The following CCDC122 variants were observed in gnomAD, a reference collection of about 807,000 sequenced individuals.
CCDC122 encodes the protein coiled-coil domain containing 122, also known as coiled-coil domain-containing protein 122.
CCDC122 carries 38 observed loss-of-function variants against 37.0 expected under a neutral mutation model. The ratio of observed to expected loss-of-function variants is 1.03; its 90% CI spans 0.79 to 1.35. The LOEUF is 1.35. Among genes scored for constraint, CCDC122 ranks in the 40% most tolerant of loss-of-function variants. The probability of loss-of-function intolerance (pLI) is 0.00; values close to 1 mark genes in which losing one functional copy is unlikely to be tolerated. For synonymous variants in CCDC122, 83 were observed against 95.6 expected, an observed-to-expected ratio of 0.87 and a Z score of 0.77; for missense variants, 305 against 310.0, an observed-to-expected ratio of 0.98 and a Z score of 0.12.
intron 6 of CCDC122, among the ~76,000 whole-genome samples, chr13:43,853,326 T>A (rs760449894): frequency 4.0e-5 from 6 of 151,688 alleles, no homozygotes; most frequent in Non-Finnish European, 7.4e-5. Context: ...AGAAAAAAAA[T>A]CAGGAGTTGC....
At chr13:43,871,430 C>A (rs1954449429) in intron 2 of CCDC122, among the ~76,000 whole-genome samples, 1 of 151,990 alleles carries the variant, frequency 6.6e-6, no homozygotes, top group Non-Finnish European at 1.5e-5. Context: ...TCCCCCAAAT[C>A]ACAGTGCAAT....
chr13:43,845,896 A>C (rs1439528302), intron 6 of CCDC122, among the ~76,000 whole-genome samples: 1 of 152,126 alleles, frequency 6.6e-6, no homozygotes, highest in Non-Finnish European at 1.5e-5. Flanking sequence ...CACAATATCA[A>C]TCATTATACG....
chr13:43,859,179 A>C (rs1954025153), intron 5 of CCDC122, among the ~76,000 whole-genome samples: 1 of 152,176 alleles, frequency 6.6e-6, no homozygotes, highest in Admixed American at 6.5e-5. Flanking sequence ...GACACTTTTT[A>C]ATTCTCTAGC....
In CCDC122 at chr13:43,859,876, A is replaced by T. The variant is rs1255886826; in HGVS notation, c.351T>A (p.Asp117Glu). 5 of 1,603,778 alleles carry T rather than the reference A, an allele frequency of 3.1e-6. No individual in the cohort carries two copies. The highest frequency in any genetic ancestry group is 3.4e-6 in the Non-Finnish European group (4 of 1,176,214). Residue 117 changes from aspartate (D) to glutamate (E), a missense_variant, in exon 5 of 7, where the codon GAT becomes GAA. Asp to Glu is a conservative substitution (Grantham distance 45). Transcript: ENST00000444614. Reference sequence around the variant, plus strand: ...TATATTTTATCATGTGTTCCTCAAAATCTTCTTGGGCTGTTTCTATGTCAA... The same window carrying T: ...TATATTTTATCATGTGTTCCTCAAATTCTTCTTGGGCTGTTTCTATGTCAA... ...LKFDIETAQE[D>E]FEEHMIKYNA...
downstream of CCDC122, among the ~76,000 whole-genome samples, chr13:43,819,222 T>C (rs778162118): frequency 6.6e-6 from 1 of 152,218 alleles, no homozygotes; most frequent in Non-Finnish European, 1.5e-5. Flanking sequence ...AACAGTCTCA[T>C]ACATTGTTGG....
At chr13:43,848,959 G>A (rs1953633332) in intron 6 of CCDC122, 2 of 962,960 alleles carry the variant, frequency 2.1e-6, no homozygotes, top group African/African-American at 3.5e-5. Flanking sequence ...AAAACTGGTT[G>A]TTTTGAGAAG....
At chr13:43,864,477 G>C (rs538312422) in intron 4 of CCDC122, among the ~76,000 whole-genome samples, 1 of 152,290 alleles carries the variant, frequency 6.6e-6, no homozygotes, top group African/African-American at 2.4e-5. Flanking sequence ...TTCTACTCAT[G>C]GTAGAAGGTG....
chr13:43,852,695 C>A (rs1157811485), intron 6 of CCDC122, among the ~76,000 whole-genome samples: 1 of 151,324 alleles, frequency 6.6e-6, no homozygotes, highest in Admixed American at 6.6e-5. Flanking sequence ...TCAGATTCTC[C>A]AAGGTTGAAA....
At chr13:43,861,983 C>G (rs1453458811) in intron 4 of CCDC122, among the ~76,000 whole-genome samples, 1 of 152,094 alleles carries the variant, frequency 6.6e-6, no homozygotes, top group African/African-American at 2.4e-5. Flanking sequence ...AATAAAATCC[C>G]CAATGCACTT....
At chr13:43,824,429 TG>T (rs1290363240) in intron 3 of CCDC122, among the ~76,000 whole-genome samples, 3 of 152,192 alleles carry the variant, frequency 2.0e-5, no homozygotes, top group Non-Finnish European at 4.4e-5. Flanking sequence ...AAAACTTAAA[TG>T]TAAGACCTCA....
intron 6 of CCDC122, among the ~76,000 whole-genome samples, chr13:43,845,955 C>T (rs1057032514): frequency 4.6e-5 from 7 of 152,170 alleles, no homozygotes; most frequent in African/African-American, 1.7e-4. Context: ...CCACTATAAA[C>T]ATCCTGTAGA....
chr13:43,830,177 G>T (rs574417718), intron 3 of CCDC122, among the ~76,000 whole-genome samples: 1 of 152,066 alleles, frequency 6.6e-6, no homozygotes, highest in South Asian at 2.1e-4. Flanking sequence ...CGCCCAACCT[G>T]GCTTGCTTTT....
At chr13:43,866,151 G>T (rs1162914927) in intron 4 of CCDC122, among the ~76,000 whole-genome samples, 1 of 152,202 alleles carries the variant, frequency 6.6e-6, no homozygotes, top group Non-Finnish European at 1.5e-5. Context: ...TACTCAGAAT[G>T]ACTTGCAATT....
downstream of CCDC122, among the ~76,000 whole-genome samples, chr13:43,820,921 C>T (rs1952988558): frequency 6.6e-6 from 1 of 152,166 alleles, no homozygotes; most frequent in African/African-American, 2.4e-5. Flanking sequence ...AACACACATG[C>T]TATTGAGAAT....
At chr13:43,865,136 T>C (rs1278292241) in intron 4 of CCDC122, among the ~76,000 whole-genome samples, 1 of 152,130 alleles carries the variant, frequency 6.6e-6, no homozygotes, top group African/African-American at 2.4e-5. Flanking sequence ...TTGTGTCCTT[T>C]ATAATAAATG....
At chr13:43,837,682 C>A (rs1953214489) in intron 6 of CCDC122, among the ~76,000 whole-genome samples, 1 of 150,452 alleles carries the variant, frequency 6.6e-6, no homozygotes, top group Non-Finnish European at 1.5e-5. Flanking sequence ...TTATTATCCT[C>A]ATTTTTGTGT....
downstream of CCDC122, among the ~76,000 whole-genome samples, chr13:43,831,963 G>A (rs993019871): frequency 4.8e-5 from 7 of 146,408 alleles, no homozygotes; most frequent in Admixed American, 2.8e-4. Flanking sequence ...AATTTGAAGC[G>A]GCCTATTCTT....
At chr13:43,853,106 C>G (rs1953797551) in intron 6 of CCDC122, among the ~76,000 whole-genome samples, 1 of 151,584 alleles carries the variant, frequency 6.6e-6, no homozygotes, top group South Asian at 2.1e-4. Context: ...CAGTTACCAT[C>G]ATGATGACAG....
intron 6 of CCDC122, among the ~76,000 whole-genome samples, chr13:43,840,631 G>A (rs562451735): frequency 6.6e-5 from 10 of 152,110 alleles, no homozygotes; most frequent in Admixed American, 1.3e-4. Flanking sequence ...GAGAACATGC[G>A]GTGTTTGGTT....
Sources: gnomAD v4.1 joint callset for allele counts (sites outside exome capture counted in the v4.1 genomes callset) on GRCh38, gnomAD v4.1.1 for gene constraint, MANE v1.5 for transcripts, NCBI Gene and HGNC (gene_info 2026-07-23, HGNC 2026-07-21) for gene names.